Variants in CNTNAP2 observed in about 807,000 individuals in gnomAD.
The protein encoded by CNTNAP2 is contactin associated protein 2.
CNTNAP2 carries 98 observed loss-of-function variants against 155.2 expected under a neutral mutation model. The ratio of observed to expected loss-of-function variants is 0.63; its 90% confidence interval spans 0.54 to 0.75. The LOEUF is 0.75. Among genes scored for constraint, CNTNAP2 ranks in the 30% least tolerant of loss-of-function variants. The pLI is 0.00. For missense variants in CNTNAP2, 1,727 were observed against 1,688.1 expected, an observed-to-expected ratio of 1.02 and a Z score of -0.40; for synonymous variants, 651 against 631.2, an observed-to-expected ratio of 1.03 and a Z score of -0.47.
At chr7:147,444,735 G>A (rs1797703159) in intron 10 of CNTNAP2, among the ~76,000 whole-genome samples, 1 of 152,158 alleles carries the variant, frequency 6.6e-6, no homozygotes, top group Non-Finnish European at 1.5e-5. Flanking sequence ...GAACCAGGGA[G>A]ATAGCAAGTG....
chr7:147,217,065 G>T lies in CNTNAP2; in HGVS notation c.1349-83076G>T, dbSNP rs539550641. Among the ~76,000 whole-genome samples the T allele has an allele frequency of 3.3e-5, 5 of 151,918 alleles. No individual in the cohort carries two copies. In the East Asian group the frequency reaches 9.7e-4, roughly 29 times the overall value. On this transcript the variant is annotated intron_variant, in intron 8 of 23. Transcript: ENST00000361727. Reference sequence around the variant, plus strand: ...ATGCTATAATTATTAATTCCAGGAGGATTTTTGTTGTTGTTGATTTTAAAA... The same window carrying T: ...ATGCTATAATTATTAATTCCAGGAGTATTTTTGTTGTTGTTGATTTTAAAA...
chr7:147,376,588 G>A (rs1010847799), intron 9 of CNTNAP2, among the ~76,000 whole-genome samples: 1 of 151,394 alleles, frequency 6.6e-6, no homozygotes, highest in African/African-American at 2.4e-5. Flanking sequence ...AATATTTTTT[G>A]ACACCTCATT....
chr7:146,896,220 T>C (rs1003702395), intron 3 of CNTNAP2, among the ~76,000 whole-genome samples: 1 of 152,020 alleles, frequency 6.6e-6, no homozygotes, highest in African/African-American at 2.4e-5. Context: ...TTGCTATAAA[T>C]ACAACAATTA....
intron 23 of CNTNAP2, among the ~76,000 whole-genome samples, chr7:148,410,336 G>A (rs1295688548): frequency 3.3e-5 from 5 of 152,080 alleles, no homozygotes; most frequent in South Asian, 2.1e-4. Flanking sequence ...TCGGGAGGCC[G>A]AGGCAGGTGG....
At chr7:146,621,627 ATCACAGATGTGTCATTC>A (rs1440730018) in intron 1 of CNTNAP2, among the ~76,000 whole-genome samples, 2 of 152,186 alleles carry the variant, frequency 1.3e-5, no homozygotes, top group African/African-American at 4.8e-5. Context: ...AGAGAAGAAG[ATCACAGATGTGTCATTC>A]TCACCACATT....
intron 12 of CNTNAP2, among the ~76,000 whole-genome samples, chr7:147,607,679 G>C (rs1311540435): frequency 6.6e-6 from 1 of 152,160 alleles, no homozygotes; most frequent in Non-Finnish European, 1.5e-5. Flanking sequence ...ACTTTAGCCT[G>C]TTAATAGGGA....
intron 21 of CNTNAP2, among the ~76,000 whole-genome samples, chr7:148,383,188 C>T (rs202028619): frequency 1.9e-4 from 26 of 138,962 alleles, no homozygotes; most frequent in Middle Eastern, 3.8e-3. Flanking sequence ...AATTCTTGTT[C>T]TTTTTTTTTT....
At chr7:147,461,299 A>G (rs943747874) in intron 10 of CNTNAP2, among the ~76,000 whole-genome samples, 1 of 152,192 alleles carries the variant, frequency 6.6e-6, no homozygotes, top group African/African-American at 2.4e-5. Context: ...AAAAACAAAC[A>G]GTTCATTGGT....
chr7:146,965,350 C>T (rs1797636990), intron 3 of CNTNAP2, among the ~76,000 whole-genome samples: 1 of 152,018 alleles, frequency 6.6e-6, no homozygotes, highest in African/African-American at 2.4e-5. Flanking sequence ...ATATCACTGT[C>T]TTATAGAGGA....
At chr7:147,001,417 A>T (rs1414574010) in intron 3 of CNTNAP2, among the ~76,000 whole-genome samples, 1 of 152,026 alleles carries the variant, frequency 6.6e-6, no homozygotes, top group Non-Finnish European at 1.5e-5. Context: ...TATTTTACAG[A>T]TGAGTAAAAG....
chr7:146,366,963 A>G (rs1046456156), intron 1 of CNTNAP2, among the ~76,000 whole-genome samples: 6 of 152,146 alleles, frequency 3.9e-5, no homozygotes, highest in African/African-American at 1.4e-4. Flanking sequence ...AGTTTTCTCA[A>G]TCATATCTTT....
At chr7:146,622,704 C>T (rs373959126) in intron 1 of CNTNAP2, among the ~76,000 whole-genome samples, 21 of 152,172 alleles carry the variant, frequency 1.4e-4, no homozygotes, top group African/African-American at 4.8e-4. Flanking sequence ...TGCCTGTAAT[C>T]CTAGCACTTT....
chr7:146,509,775 G>A (rs912209592), intron 1 of CNTNAP2, among the ~76,000 whole-genome samples: 1 of 152,154 alleles, frequency 6.6e-6, no homozygotes, highest in Non-Finnish European at 1.5e-5. Context: ...CAGGGACTGA[G>A]CATGCACTTC....
chr7:146,476,730 T>C (rs549789034), intron 1 of CNTNAP2, among the ~76,000 whole-genome samples: 8 of 152,222 alleles, frequency 5.3e-5, no homozygotes, highest in Non-Finnish European at 7.4e-5. Context: ...TAATAAACAT[T>C]GAGACAAGTA....
At chr7:146,178,104 G>C (rs1403294366) in intron 1 of CNTNAP2, among the ~76,000 whole-genome samples, 1 of 152,068 alleles carries the variant, frequency 6.6e-6, no homozygotes, top group Non-Finnish European at 1.5e-5. Flanking sequence ...CGTGATCTCG[G>C]CTCACTGCAA....
At chr7:147,169,227 A>T (rs1802179497) in intron 8 of CNTNAP2, among the ~76,000 whole-genome samples, 1 of 152,218 alleles carries the variant, frequency 6.6e-6, no homozygotes, top group Admixed American at 6.5e-5. Flanking sequence ...TTATTGAATC[A>T]CAGAACTTTG....
intron 1 of CNTNAP2, among the ~76,000 whole-genome samples, chr7:146,743,950 T>A (rs1430105721): frequency 6.6e-6 from 1 of 151,746 alleles, no homozygotes; most frequent in Non-Finnish European, 1.5e-5. Flanking sequence ...AGGCCAGGAG[T>A]GGTGGCTCAT....
intron 3 of CNTNAP2, among the ~76,000 whole-genome samples, chr7:146,978,449 G>A (rs1797954605): frequency 6.6e-6 from 1 of 152,076 alleles, no homozygotes; most frequent in Non-Finnish European, 1.5e-5. Flanking sequence ...CCAGGAGTTG[G>A]AATAATGCTA....
rs1265193293 is a variant in CNTNAP2 at position 146,915,566 on chromosome 7, T to C, written c.402+75662T>C. Among the ~76,000 whole-genome samples the C allele has an allele frequency of 3.3e-5, 5 of 152,048 alleles. No homozygotes were observed. In the East Asian group the frequency reaches 9.7e-4, roughly 29 times the overall value. On this transcript the variant is annotated intron_variant, in intron 3 of 23. Transcript: ENST00000361727. ...TATATTCTAAGTTTTTTTGTTCGTT[T>C]GTTTGTTTGTTTTTGCAGCTATCGT...
Sources: gnomAD v4.1 joint callset for allele counts (sites outside exome capture counted in the v4.1 genomes callset) on GRCh38, gnomAD v4.1.1 for gene constraint, MANE v1.5 for transcripts, NCBI Gene and HGNC (gene_info 2026-07-23, HGNC 2026-07-21) for gene names.